The following OPRL1 variants were observed in gnomAD, a reference collection of about 807,000 sequenced individuals.
OPRL1 encodes opioid related nociceptin receptor 1, also known as nociceptin receptor.
Under a neutral mutation model 15.5 loss-of-function variants are expected in OPRL1, and 5 were observed. The ratio of observed to expected loss-of-function variants is 0.32; its 90% CI spans 0.17 to 0.68. The LOEUF (loss-of-function observed/expected upper bound fraction) is 0.68, where lower values mean the gene tolerates loss of function less well. Among genes scored for constraint, OPRL1 ranks in the 30% least tolerant of loss-of-function variants. The pLI, the probability that OPRL1 is intolerant of heterozygous loss-of-function variation, is 0.72. For synonymous variants in OPRL1, 223 were observed against 230.2 expected (o/e 0.97, Z 0.28); for missense variants, 406 against 515.3 (o/e 0.79, Z 2.05).
chr20:64,083,528 C>T lies in OPRL1; in HGVS notation c.-185+3176C>T, dbSNP rs2059994155. 3 of 1,559,748 alleles carry T rather than the reference C, an allele frequency of 1.9e-6. No individual in the cohort carries two copies. The highest frequency in any genetic ancestry group is 2.6e-6 in the Non-Finnish European group (3 of 1,152,778). ...GAGAGAGGCTGGGGTCCGGCGTGTG[C>T]GGAGGCGGGCAGGGCCCCTCCCCTT... On this transcript the variant is annotated intron_variant, in intron 1 of 4. Transcript: ENST00000336866. The surrounding 1 kb of genome is among the most constrained non-coding windows in gnomAD (Gnocchi z 4.9).
Position 64,091,963 on chromosome 20 carries a change from C to T in OPRL1, c.-184-3C>T, listed in dbSNP as rs543625429. ...GCTGCAGCCTCCTCCCCCTCCCCCC[C>T]AGCTTCGGGCTGCCGGCTCACTCGG... On this transcript the variant is annotated splice_region_variant and splice_polypyrimidine_tract_variant and intron_variant, in intron 1 of 4. Coordinates refer to ENST00000336866, the MANE Select transcript of OPRL1 (RefSeq NM_182647.4). 1 of 152,892 alleles carries T rather than the reference C, an allele frequency of 6.5e-6. No homozygotes were observed. The highest frequency in any genetic ancestry group is 1.5e-5 in the Non-Finnish European group (1 of 68,578). The allele number at this position is 152,892 out of a possible 1,614,324, so 9.5% of individuals were successfully genotyped here.
intron 3 of OPRL1, among the ~76,000 whole-genome samples, chr20:64,094,749 C>T (rs1477529843): frequency 2.8e-3 from 3 of 1,058 alleles, no homozygotes; most frequent in Non-Finnish European, 7.5e-3. Flanking sequence ...AGGGGGATAG[C>T]GTGGGGGGAT....
chr20:64,091,842 C>G (rs1324731343), intron 1 of OPRL1, 124 bp from the exon 2 acceptor site: 2 of 152,682 alleles, frequency 1.3e-5, no homozygotes, highest in Non-Finnish European at 2.9e-5. Context: ...TGTGTCTGTC[C>G]CCGTCCAGTG....
Position 64,098,256 on chromosome 20 carries a change from C to T in OPRL1, c.590-20C>T, listed in dbSNP as rs200881903. 45 of 1,607,082 alleles carry T rather than the reference C, an allele frequency of 2.8e-5. No individual in the cohort carries two copies. The highest frequency in any genetic ancestry group is 1.8e-4 in the Admixed American group (11 of 59,674). ...TCCACGTCTCCTGGGCCCACTCTGA[C>T]CCCGTTTCTCTCCCTGCAGAGATCG... On this transcript the variant is annotated intron_variant, in intron 4 of 4. Transcript: ENST00000336866.
chr20:64,089,072 G>T lies in OPRL1; in HGVS notation c.-184-2894G>T, dbSNP rs2060094981. Among the ~76,000 whole-genome samples the T allele has an allele frequency of 6.6e-6, 1 of 150,652 alleles. No individual in the cohort carries two copies. The highest frequency in any genetic ancestry group is 1.5e-5 in the Non-Finnish European group (1 of 67,544). On this transcript the variant is annotated intron_variant, in intron 1 of 4. Transcript: ENST00000336866. The surrounding 1 kb of genome is among the most constrained non-coding windows in gnomAD (Gnocchi z 5.5). ...CCGTGGGCTAGGGGTCTATGTGGGT[G>T]GGGGGCAGGTTCTGCGCAGGGGGCC...
At chr20:64,086,366 C>T (rs1342349853) in intron 1 of OPRL1, 1 of 157,438 alleles carries the variant, frequency 6.4e-6, no homozygotes, top group Non-Finnish European at 1.4e-5. Flanking sequence ...CAGGGCCTAC[C>T]TGGCTCACAT....
Position 64,083,693 on chromosome 20 carries a change from C to A in OPRL1, c.-185+3341C>A. ...GACTTCTGCCGCTGGATGAGCAGCG[C>A]GATCTCCTCGGCCTGCGGGGCCCGG... On this transcript the variant is annotated intron_variant, in intron 1 of 4. Transcript: ENST00000336866. This position sits in a 1 kb window ranked among gnomAD's most constrained non-coding sequence, Gnocchi z 4.9. 7.1e-7 allele frequency: 1 copy of A among 1,407,492 alleles called. No individual in the cohort carries two copies. The allele number at this position is 1,407,492 out of a possible 1,614,324, so 87.2% of individuals were successfully genotyped here. A position where few individuals can be genotyped will look rare whatever the true frequency, so the allele number is the denominator to read the frequency against.
At position 64,083,737 on chromosome 20, in the gene OPRL1, AGCCCC is replaced by A. The variant is rs1331187235; in HGVS notation, c.-185+3402_-185+3406del. 7.8e-5 allele frequency: 105 copies of A among 1,340,232 alleles called. No homozygotes were observed. Among genetic ancestry groups the A allele is most frequent in the Middle Eastern group, 2.8e-4 (1 of 3,606 alleles). 83.0% of individuals were successfully genotyped at this position (1,340,232 alleles called of 1,614,324 possible). ...GGCCCGGGTAGCTGAGCGCGCGCCGAGCCCCGCCCCGCCCCGCCCCGGCCGGCTCC... is the reference window on the plus strand; with the variant it reads ...GGCCCGGGTAGCTGAGCGCGCGCCGAGCCCCGCCCCGCCCCGGCCGGCTCC... On this transcript the variant is annotated intron_variant, in intron 1 of 4. Transcript: ENST00000336866. The surrounding 1 kb of genome is among the most constrained non-coding windows in gnomAD (Gnocchi z 4.9).
intron 1 of OPRL1, among the ~76,000 whole-genome samples, chr20:64,088,738 T>TGCAGAGTGGCC (rs1569271930): frequency 0.013 from 106 of 8,478 alleles, 18 homozygotes; most frequent in Admixed American, 0.022. Context: ...GTGCAAGGGG[T>TGCAGAGTGGCC]AGGATCTGTG....
chr20:64,082,739 G>A (rs757044588), intron 1 of OPRL1, among the ~76,000 whole-genome samples: 2 of 151,534 alleles, frequency 1.3e-5, no homozygotes, highest in African/African-American at 2.4e-5. Flanking sequence ...TTTGTAGGTC[G>A]TGGGCCTGTT....
In OPRL1 at chr20:64,089,892, C is replaced by T. The variant is rs1167828204; in HGVS notation, c.-184-2074C>T. ...GTAGGAGGGTCTAGGGTCTCCTGCT[C>T]AGACGTTGGTGAGCCCAGCTGGGGC... is the stretch of plus-strand genomic sequence containing the variant. On this transcript the variant is annotated intron_variant, in intron 1 of 4. Transcript: ENST00000336866. This position sits in a 1 kb window ranked among gnomAD's most constrained non-coding sequence, Gnocchi z 5.5. 6.6e-6 allele frequency among the ~76,000 whole-genome samples: 1 copy of T among 152,200 alleles called. No homozygotes were observed.
chr20:64,083,666 C>G lies in OPRL1; in HGVS notation c.-185+3314C>G. The G allele has an allele frequency of 7.0e-7, 1 of 1,433,516 alleles. No individual in the cohort carries two copies. Among genetic ancestry groups the G allele is most frequent in the Non-Finnish European group, 9.1e-7 (1 of 1,100,268 alleles). 88.8% of individuals were successfully genotyped at this position (1,433,516 alleles called of 1,614,324 possible). On this transcript the variant is annotated intron_variant, in intron 1 of 4. Transcript: ENST00000336866. This position sits in a 1 kb window ranked among gnomAD's most constrained non-coding sequence, Gnocchi z 4.9. ...AGCTCCAGCCGGATGGCGGCGCGCG[C>G]GGACTTCTGCCGCTGGATGAGCAGC...
rs759353774 is a variant in OPRL1, at chr20:64,083,927, T to A, written c.-185+3575T>A. ...GCGCTCGGCGGGCAGCTCGAGCGAC[T>A]GCGTCCACGGGCGCGGGTCGGGCAT... On this transcript the variant is annotated intron_variant, in intron 1 of 4. Transcript: ENST00000336866. The surrounding 1 kb of genome is among the most constrained non-coding windows in gnomAD (Gnocchi z 4.9). 2.1e-6 allele frequency: 3 copies of A among 1,453,440 alleles called. No individual in the cohort carries two copies. The highest frequency in any genetic ancestry group is 2.7e-6 in the Non-Finnish European group (3 of 1,108,142). The allele number at this position is 1,453,440 out of a possible 1,614,324, so 90.0% of individuals were successfully genotyped here.
Position 64,099,620 on chromosome 20 carries a change from C to T in OPRL1, c.*821C>T, listed in dbSNP as rs796150000. The T allele has an allele frequency of 7.9e-5, 12 of 152,836 alleles. No individual in the cohort carries two copies. The highest frequency in any genetic ancestry group is 2.6e-4 in the African/African-American group (11 of 41,586). 9.5% of individuals were successfully genotyped at this position (152,836 alleles called of 1,614,324 possible). A position where few individuals can be genotyped will look rare whatever the true frequency, so the allele number is the denominator to read the frequency against. The stretch of plus-strand genomic sequence containing the variant: ...CAGGAGACCAGCGAGAGGCCCTGGC[C>T]CATTCCCTCCAGCGGTGCAATGAAC... On this transcript the variant is annotated 3_prime_UTR_variant, in exon 5 of 5. Coordinates refer to ENST00000336866, the MANE Select transcript of OPRL1 (RefSeq NM_182647.4).
At chr20:64,088,008 G>T (rs929107855) in intron 1 of OPRL1, among the ~76,000 whole-genome samples, 3 of 152,250 alleles carry the variant, frequency 2.0e-5, no homozygotes, top group Non-Finnish European at 2.9e-5. Context: ...CCCTAGCCAG[G>T]TGACCAGGCC....
rs2059989183 is a variant in OPRL1, at chr20:64,083,304, G to A, written c.-185+2952G>A. On this transcript the variant is annotated intron_variant, in intron 1 of 4. Coordinates refer to ENST00000336866, the MANE Select transcript of OPRL1 (RefSeq NM_182647.4). This position sits in a 1 kb window ranked among gnomAD's most constrained non-coding sequence, Gnocchi z 4.9. ...GTACCCTGATGTCTGTGAGGTGCAT[G>A]GGAGAGGCAGCGTCCATACTCCCCG... 7.4e-7 allele frequency: 1 copy of A among 1,346,358 alleles called. No homozygotes were observed. The highest frequency in any genetic ancestry group is 1.5e-5 in the African/African-American group (1 of 68,580). 83.4% of individuals were successfully genotyped at this position (1,346,358 alleles called of 1,614,324 possible). A position where few individuals can be genotyped will look rare whatever the true frequency, so the allele number is the denominator to read the frequency against.
Position 64,092,844 on chromosome 20 carries a change from C to T in OPRL1, c.124C>T (p.His42Tyr). Residue 42 changes from histidine (H) to tyrosine (Y), a missense_variant, in exon 3 of 5, where the codon CAC becomes TAC. His to Tyr is a moderately conservative substitution (Grantham distance 83, BLOSUM62 2). Coordinates refer to ENST00000336866, the MANE Select transcript of OPRL1 (RefSeq NM_182647.4). The part of the protein sequence containing the change: ...LPPHLLLNAS[H>Y]GAFLPLGLKV... ...CCCGCATCTGCTGCTCAATGCCAGC[C>T]ACGGCGCCTTCCTGCCCCTCGGGCT... 6.2e-7 allele frequency: 1 copy of T among 1,612,776 alleles called. No individual in the cohort carries two copies. The highest frequency in any genetic ancestry group is 8.5e-7 in the Non-Finnish European group (1 of 1,179,952).
At chr20:64,096,833 TCATCATGACCATCAC>T in intron 3 of OPRL1, among the ~76,000 whole-genome samples, 1 of 33,820 alleles carries the variant, frequency 3.0e-5, no homozygotes, top group Non-Finnish European at 6.0e-5. Context: ...ATCACCATCA[TCATCATGACCATCAC>T]CACCATCACC....
chr20:64,086,140 C>G (rs985403046), intron 1 of OPRL1, among the ~76,000 whole-genome samples: 4 of 152,208 alleles, frequency 2.6e-5, no homozygotes, highest in African/African-American at 9.7e-5. Context: ...GGGGTGAGTC[C>G]TTTGAGACAG....
Sources: gnomAD v4.1 joint callset for allele counts (sites outside exome capture counted in the v4.1 genomes callset) on GRCh38, gnomAD v4.1.1 for gene constraint, Gnocchi (gnomAD v3.1) non-coding constraint, MANE v1.5 for transcripts, NCBI Gene and HGNC (gene_info 2026-07-23, HGNC 2026-07-21) for gene names.